The following NT5DC3 variants were observed in gnomAD, a reference collection of about 807,000 sequenced individuals.
NT5DC3 encodes the protein 5'-nucleotidase domain containing 3.
In NT5DC3, 42 loss-of-function variants were observed where a neutral mutation model predicts 67.8. The observed-to-expected ratio is 0.62, with a 90% CI of 0.48 to 0.80. NT5DC3 has a LOEUF of 0.80. Ranked by LOEUF, NT5DC3 falls within the 30% of genes least tolerant of loss-of-function variation. The pLI, the probability that NT5DC3 is intolerant of heterozygous loss-of-function variation, is 0.00. For synonymous variants in NT5DC3, 237 were observed against 255.6 expected (o/e 0.93, Z 0.69); for missense variants, 570 against 696.4 (o/e 0.82, Z 2.04).
chr12:103,757,938 T>G, the NT5DC3 span: 2 of 566,642 alleles, frequency 3.5e-6, no homozygotes, highest in Non-Finnish European at 6.2e-6. Context: ...AGCAGCCACG[T>G]GGAGGATGGG....
chr12:103,825,420 A>G (rs1181232274), intron 1 of NT5DC3, among the ~76,000 whole-genome samples: 2 of 152,112 alleles, frequency 1.3e-5, no homozygotes, highest in East Asian at 3.8e-4. Flanking sequence ...CCTAATCTTT[A>G]AAAAAAATCT....
intron 1 of NT5DC3, among the ~76,000 whole-genome samples, chr12:103,821,605 A>G (rs1887493127): frequency 6.6e-6 from 1 of 152,218 alleles, no homozygotes; most frequent in Non-Finnish European, 1.5e-5. Flanking sequence ...CCAAAGGTAG[A>G]TTTAAGAGAA....
the NT5DC3 span, among the ~76,000 whole-genome samples, chr12:103,747,091 G>A: frequency 0.33 from 49,515 of 151,318 alleles, 8,957 homozygotes; most frequent in East Asian, 0.73. Context: ...CAAGTAGCTG[G>A]GATTACAGGC....
chr12:103,754,352 G>T, the NT5DC3 span, among the ~76,000 whole-genome samples: 1 of 152,200 alleles, frequency 6.6e-6, no homozygotes, highest in Non-Finnish European at 1.5e-5. Flanking sequence ...ATCTGGAATA[G>T]TAGACCACCT....
intron 1 of NT5DC3, among the ~76,000 whole-genome samples, chr12:103,829,678 C>CT (rs1887842324): frequency 6.6e-6 from 1 of 152,148 alleles, no homozygotes; most frequent in Non-Finnish European, 1.5e-5. Context: ...TTTTCTGTGT[C>CT]TTTTACCTTT....
chr12:103,762,427 A>G, the NT5DC3 span: 10 of 1,614,000 alleles, frequency 6.2e-6, no homozygotes, highest in Non-Finnish European at 8.5e-6. Context: ...TGGGAACATG[A>G]TGATGGGGTC....
In NT5DC3 at chr12:103,829,474, C is replaced by A. The variant is rs890934690; in HGVS notation, c.208+11475G>T. On this transcript the variant is annotated intron_variant, in intron 1 of 13. Transcript: ENST00000392876. Reference sequence around the variant, plus strand: ...CTGGTTTTCTTTGGTTACCATTTACCCAAGATATCTTTTCCCATTCTATTA... The same window carrying A: ...CTGGTTTTCTTTGGTTACCATTTACACAAGATATCTTTTCCCATTCTATTA... 2.0e-5 allele frequency among the ~76,000 whole-genome samples: 3 copies of A among 152,058 alleles called. No homozygotes were observed. The South Asian group carries it at 6.2e-4, about 32-fold the overall frequency.
At chr12:103,789,114 T>G in intron 9 of NT5DC3, 195 bp from the exon 10 acceptor site, 1 of 533,848 alleles carries the variant, frequency 1.9e-6, no homozygotes, top group Non-Finnish European at 3.3e-6. Flanking sequence ...TATCCAAAGG[T>G]GTTCCACGAA....
At chr12:103,781,872 GT>G (rs1218175550) in intron 12 of NT5DC3, among the ~76,000 whole-genome samples, 3 of 152,168 alleles carry the variant, frequency 2.0e-5, no homozygotes, top group African/African-American at 7.2e-5. Flanking sequence ...ATCTCCAGTG[GT>G]TGTTCATGGG....
chr12:103,827,799 T>C (rs1345402366), intron 1 of NT5DC3, among the ~76,000 whole-genome samples: 1 of 152,214 alleles, frequency 6.6e-6, no homozygotes, highest in African/African-American at 2.4e-5. Flanking sequence ...ATTTGACTTT[T>C]AAAAAATAAT....
At chr12:103,753,234 G>T in the NT5DC3 span, 1 of 1,614,176 alleles carries the variant, frequency 6.2e-7, no homozygotes, top group Middle Eastern at 1.6e-4. Flanking sequence ...CACTGTTGGG[G>T]TGTTCCATCT....
At chr12:103,817,855 C>G (rs1205658404) in intron 1 of NT5DC3, among the ~76,000 whole-genome samples, 1 of 152,188 alleles carries the variant, frequency 6.6e-6, no homozygotes, top group Non-Finnish European at 1.5e-5. Context: ...TTTCTACTCA[C>G]TTCTTTCTGA....
downstream of NT5DC3, chr12:103,768,951 C>A (rs113876254): frequency 1.3e-5 from 2 of 152,048 alleles, no homozygotes; most frequent in Non-Finnish European, 2.9e-5. Context: ...CATCGAAGAC[C>A]CAGTGTCTTC....
rs774275442 is a variant in NT5DC3, at chr12:103,796,901, TC to T, written c.745del (p.Asp249MetfsTer14). The T allele has an allele frequency of 6.2e-7, 1 of 1,614,136 alleles. No individual in the cohort carries two copies. The highest frequency in any genetic ancestry group is 2.2e-5 in the East Asian group (1 of 44,882). On this transcript the variant is annotated frameshift_variant, in exon 6 of 14. Transcript: ENST00000392876. LOFTEE classifies it high-confidence loss of function. Reference protein sequence around the residue: ...IDYEPVHLYKDVKDSIRDVHI... With the variant: ...IDYEPVHLYKXVKDSIRDVHI... The stretch of plus-strand genomic sequence containing the variant: ...TCTCACTGTGGATACAACCTTGACA[TC>T]TTTGTACAGATGCACAGGCTCATAG...
chr12:103,778,863 C>G (rs1885437962), intron 13 of NT5DC3, among the ~76,000 whole-genome samples: 1 of 152,156 alleles, frequency 6.6e-6, no homozygotes, highest in Non-Finnish European at 1.5e-5. Flanking sequence ...CAAAACGACT[C>G]TGGTCACATT....
chr12:103,798,739 C>T, intron 4 of NT5DC3, 62 bp from the exon 5 acceptor site: 1 of 1,192,914 alleles, frequency 8.4e-7, no homozygotes, highest in Non-Finnish European at 1.2e-6. Flanking sequence ...TTTTCACACC[C>T]CTGTGCAGTG....
intron 1 of NT5DC3, among the ~76,000 whole-genome samples, chr12:103,834,751 A>C (rs1021632804): frequency 6.6e-6 from 1 of 152,232 alleles, no homozygotes; most frequent in Non-Finnish European, 1.5e-5. Context: ...AGGATAAAAC[A>C]AAGCTTTAAA....
chr12:103,793,587 G>A, intron 7 of NT5DC3, 75 bp from the exon 8 acceptor site: 1 of 1,084,770 alleles, frequency 9.2e-7, no homozygotes, highest in Non-Finnish European at 1.4e-6. Flanking sequence ...CTAAATGGGG[G>A]TTTGGGTCCA....
chr12:103,761,324 A>G, the NT5DC3 span: 1 of 1,614,028 alleles, frequency 6.2e-7, no homozygotes, highest in Non-Finnish European at 8.5e-7. Context: ...TGTTGATGGA[A>G]GAGCCATTCT....
Sources: gnomAD v4.1 joint callset for allele counts (sites outside exome capture counted in the v4.1 genomes callset) on GRCh38, gnomAD v4.1.1 for gene constraint, MANE v1.5 for transcripts, NCBI Gene and HGNC (gene_info 2026-07-23, HGNC 2026-07-21) for gene names.